Variants in ECPAS observed in about 807,000 individuals in gnomAD.
ECPAS encodes proteasome adapter and scaffold protein ECM29.
A neutral mutation model predicts 255.1 loss-of-function variants in ECPAS; 70 were observed. The observed-to-expected ratio is 0.27, with a 90% confidence interval of 0.23 to 0.33. The LOEUF is 0.33. Ranked by LOEUF, ECPAS falls within the 10% of genes least tolerant of loss-of-function variation. ECPAS has a pLI of 1.00. For synonymous variants in ECPAS, 784 were observed against 775.0 expected, an observed-to-expected ratio of 1.01 and a Z score of -0.19; for missense variants, 1,817 against 2,206.4, an observed-to-expected ratio of 0.82 and a Z score of 3.54.
intron 24 of ECPAS, among the ~76,000 whole-genome samples, 171 bp from the exon 25 acceptor site, chr9:111,397,324 G>A (rs2098169053): frequency 6.6e-6 from 1 of 152,248 alleles, no homozygotes; most frequent in Admixed American, 6.5e-5. Context: ...TGGTGAGGGA[G>A]TGGAGGATAT....
chr9:111,434,186 C>G (rs540545612), intron 7 of ECPAS, among the ~76,000 whole-genome samples: 1 of 152,062 alleles, frequency 6.6e-6, no homozygotes, highest in South Asian at 2.1e-4. Context: ...CATAACAGAT[C>G]AAAAAAGGGC....
Position 111,484,270 on chromosome 9 carries a change from CG to C in ECPAS, c.-238del. The C allele has an allele frequency of 2.0e-6, 3 of 1,515,428 alleles. No individual in the cohort carries two copies. Among genetic ancestry groups the C allele is most frequent in the Admixed American group, 4.6e-5 (2 of 43,574 alleles). The allele number at this position is 1,515,428 out of a possible 1,614,324, so 93.9% of individuals were successfully genotyped here. ...AGCGGGCCCGGGCTGCCCTAGCGGC[CG>C]GGGGAAATCCTCGAGGCGGGGCCGG... On this transcript the variant is annotated 5_prime_UTR_variant, in exon 1 of 50. Transcript: ENST00000684092.
chr9:111,392,530 A>G (rs2098161733), intron 28 of ECPAS, among the ~76,000 whole-genome samples: 1 of 152,234 alleles, frequency 6.6e-6, no homozygotes, highest in African/African-American at 2.4e-5. Context: ...TTCTAACCCA[A>G]TACATTATCT....
At chr9:111,449,087 T>A (rs1168362234) in intron 3 of ECPAS, among the ~76,000 whole-genome samples, 2 of 152,210 alleles carry the variant, frequency 1.3e-5, no homozygotes, top group Non-Finnish European at 2.9e-5. Flanking sequence ...GTTTCATCTG[T>A]AAAATGGGGA....
At chr9:111,408,881 G>C (rs1458598147) in intron 23 of ECPAS, among the ~76,000 whole-genome samples, 1 of 152,190 alleles carries the variant, frequency 6.6e-6, no homozygotes, top group African/African-American at 2.4e-5. Flanking sequence ...AGGATCCACA[G>C]CTGCAAAAGA....
At chr9:111,427,047 C>G (rs2098222738) in intron 10 of ECPAS, among the ~76,000 whole-genome samples, 3 of 151,068 alleles carry the variant, frequency 2.0e-5, no homozygotes, top group African/African-American at 7.3e-5. Flanking sequence ...TTTTTTTTAG[C>G]TACTCGGGAG....
intron 2 of ECPAS, among the ~76,000 whole-genome samples, chr9:111,466,950 C>T (rs1446550087): frequency 6.6e-6 from 1 of 152,192 alleles, no homozygotes; most frequent in African/African-American, 2.4e-5. Context: ...ATCTTATTCG[C>T]CTGTCTTTAG....
chr9:111,454,394 A>G (rs7020101), intron 2 of ECPAS, among the ~76,000 whole-genome samples: 35,771 of 151,912 alleles, frequency 0.24, 4,578 homozygotes, highest in East Asian at 0.34. Context: ...GCTTCTATGT[A>G]TGCCCAGCAT....
At chr9:111,406,998 T>C (rs2098184944) in intron 24 of ECPAS, among the ~76,000 whole-genome samples, 1 of 149,352 alleles carries the variant, frequency 6.7e-6, no homozygotes, top group African/African-American at 2.6e-5. Context: ...ATTCTCATCA[T>C]TTAATCTCTC....
At chr9:111,384,146 A>G (rs1447286402) in intron 34 of ECPAS, among the ~76,000 whole-genome samples, 1 of 152,230 alleles carries the variant, frequency 6.6e-6, no homozygotes, top group Non-Finnish European at 1.5e-5. Context: ...CACAAAATCA[A>G]GTTCAAGTGG....
chr9:111,409,908 C>G, intron 23 of ECPAS, 133 bp downstream of exon 23: 1 of 695,990 alleles, frequency 1.4e-6, no homozygotes, highest in Non-Finnish European at 2.4e-6. Flanking sequence ...AGACTTGCTT[C>G]TTTATCACCC....
rs751687233 is a variant in ECPAS, at chr9:111,407,428, A to AAAAAAAAAAAAAAAAAAAAAAAAAAAG, written c.2652+1142_2652+1143insCTTTTTTTTTTTTTTTTTTTTTTTTTT. Among the ~76,000 whole-genome samples the AAAAAAAAAAAAAAAAAAAAAAAAAAAG allele has an allele frequency of 1.1e-4, 11 of 98,824 alleles. 1 individual carries two copies. The highest frequency in any genetic ancestry group is 1.5e-4 in the Non-Finnish European group (6 of 38,758). 64.8% of individuals were successfully genotyped at this position (98,824 alleles called of 152,430 possible). A position where few individuals can be genotyped will look rare whatever the true frequency, so the allele number is the denominator to read the frequency against. ...GAAAAAAAAAAAAAAAAAAAAAAAAAAAAAAAAAAACCTAGAAGAAACCCA... is the reference window on the plus strand; with the variant it reads ...GAAAAAAAAAAAAAAAAAAAAAAAAAAAAAAAAAAAAAAAAAAAAAAAAAAAGAAAAAAAAAACCTAGAAGAAACCCA... On this transcript the variant is annotated intron_variant, in intron 24 of 49. Coordinates refer to ENST00000684092, the MANE Select transcript of ECPAS (RefSeq NM_001364929.1).
At chr9:111,472,345 T>A (rs1044252433) in intron 2 of ECPAS, among the ~76,000 whole-genome samples, 1 of 151,656 alleles carries the variant, frequency 6.6e-6, no homozygotes, top group Non-Finnish European at 1.5e-5. Flanking sequence ...CAAAGTTGTT[T>A]GTAAACGATC....
intron 1 of ECPAS, among the ~76,000 whole-genome samples, chr9:111,476,718 A>G (rs2098296742): frequency 6.6e-6 from 1 of 151,952 alleles, no homozygotes; most frequent in Non-Finnish European, 1.5e-5. Context: ...GCTGGAGTGC[A>G]GTGGCACAAT....
intron 17 of ECPAS, among the ~76,000 whole-genome samples, chr9:111,417,611 G>A (rs2131766598): frequency 6.6e-6 from 1 of 152,210 alleles, no homozygotes; most frequent in Non-Finnish European, 1.5e-5. Context: ...ACCGGGCTTG[G>A]TGGCAGGCGC....
At position 111,372,559 on chromosome 9, in the gene ECPAS, A is replaced by T. The variant is rs1232778134; in HGVS notation, c.4398T>A (p.Asp1466Glu). The change falls in exon 42 of 50, where the codon GAT becomes GAA. Residue 1466 changes from aspartate (D) to glutamate (E), a missense_variant. By Grantham distance (45) the Asp-to-Glu change is conservative (BLOSUM62 2). Around this residue, in one of 4 missense-constraint regions of ECPAS, gnomAD observed 960 missense variants for 1,179.0 expected, o/e 0.81. Coordinates refer to ENST00000684092, the MANE Select transcript of ECPAS (RefSeq NM_001364929.1). ...TIHAIGRYSP[D>E]VLKNHAKEVL... ...CTTCTTTTGCATGATTCTTTAATAC[A>T]TCAGGGCTGTATCGTCCAATAGCAT... 6.2e-7 allele frequency: 1 copy of T among 1,613,788 alleles called. No individual in the cohort carries two copies. The highest frequency in any genetic ancestry group is 1.1e-5 in the South Asian group (1 of 91,080).
At chr9:111,473,101 G>A (rs955673864) in intron 1 of ECPAS, 101 bp from the exon 2 acceptor site, 1 of 226,208 alleles carries the variant, frequency 4.4e-6, no homozygotes. Flanking sequence ...TTAGATCTTT[G>A]ATGCCCTGCT....
intron 33 of ECPAS, 59 bp from the exon 34 acceptor site, chr9:111,384,628 T>C: frequency 6.7e-7 from 1 of 1,494,728 alleles, no homozygotes; most frequent in African/African-American, 1.4e-5. Flanking sequence ...TCATCTACTC[T>C]ACAATTTGCA....
intron 1 of ECPAS, among the ~76,000 whole-genome samples, chr9:111,483,214 G>A (rs1564576029): frequency 6.6e-6 from 1 of 152,072 alleles, no homozygotes; most frequent in South Asian, 2.1e-4. Flanking sequence ...TGGGCAGGGG[G>A]CTGGGCTCCC....
Sources: allele counts gnomAD v4.1 joint callset (sites outside exome capture counted in the v4.1 genomes callset), GRCh38; gene constraint gnomAD v4.1.1; regional missense constraint gnomAD v4.1.1; transcripts MANE v1.5; gene names NCBI Gene and HGNC (gene_info 2026-07-23, HGNC 2026-07-21).